Variants in TCF7L1 observed in about 807,000 individuals in gnomAD.
TCF7L1 encodes transcription factor 7 like 1, also known as transcription factor 7-like 1.
Under a neutral mutation model 63.7 loss-of-function variants are expected in TCF7L1, and 18 were observed. That is an observed-to-expected ratio of 0.28 (90% confidence interval 0.20 to 0.42). The LOEUF (loss-of-function observed/expected upper bound fraction) is 0.42, where lower values mean the gene tolerates loss of function less well. TCF7L1 is among the 10% of genes least tolerant of loss of function. The probability of loss-of-function intolerance (pLI) is 1.00; values close to 1 mark genes in which losing one functional copy is unlikely to be tolerated. For missense variants in TCF7L1, 654 were observed against 779.3 expected (o/e 0.84, Z 1.91); for synonymous variants, 355 against 340.9 (o/e 1.04, Z -0.46).
intron 3 of TCF7L1, among the ~76,000 whole-genome samples, chr2:85,194,822 G>A (rs1679117042): frequency 1.3e-5 from 2 of 152,224 alleles, no homozygotes; most frequent in African/African-American, 4.8e-5. Context: ...AGCAGCTGCT[G>A]TGGAGTCTCT....
In TCF7L1 at chr2:85,163,483, G is replaced by A. The variant is rs547596158; in HGVS notation, c.441+29033G>A. Among the ~76,000 whole-genome samples, 25 of 152,216 alleles carry A rather than the reference G, an allele frequency of 1.6e-4. No individual in the cohort carries two copies. The East Asian group carries it at 4.2e-3, about 26-fold the overall frequency. On this transcript the variant is annotated intron_variant, in intron 3 of 11. Transcript: ENST00000282111. The stretch of plus-strand genomic sequence containing the variant: ...TCCTGCCCGACCAGAAGCAGACTCC[G>A]AACAGAATCTAATTTCAGATCGATC...
chr2:85,144,601 C>CA lies in TCF7L1; in HGVS notation c.441+10161dup, dbSNP rs200564088. Among the ~76,000 whole-genome samples the CA allele has an allele frequency of 1.4e-3, 215 of 149,126 alleles. 5 individuals are homozygous for CA. In the East Asian group the frequency reaches 0.035, roughly 24 times the overall value. On this transcript the variant is annotated intron_variant, in intron 3 of 11. Coordinates refer to ENST00000282111, the MANE Select transcript of TCF7L1 (RefSeq NM_031283.3). ...TGGGTGACAGAGTAAGACCCTGTCT[C>CA]AAAAAAAAAATTTTTTTTGAACAAT...
intron 3 of TCF7L1, among the ~76,000 whole-genome samples, chr2:85,261,862 C>G (rs563330217): frequency 6.6e-6 from 1 of 152,292 alleles, no homozygotes; most frequent in African/African-American, 2.4e-5. Context: ...GCCTGGGCAA[C>G]AGAGCAAGAC....
At chr2:85,228,497 A>G (rs1218073305) in intron 3 of TCF7L1, among the ~76,000 whole-genome samples, 1 of 152,210 alleles carries the variant, frequency 6.6e-6, no homozygotes, top group Non-Finnish European at 1.5e-5. Context: ...ATGAATGTCC[A>G]GTCACCAGTG....
Position 85,158,967 on chromosome 2 carries a change from A to G in TCF7L1, c.441+24517A>G, listed in dbSNP as rs190234887. Reference sequence around the variant, plus strand: ...TGTCTTTAAATCTACCTGCATTTCCATGTCTGGTTACAAATTGTCTTAACC... The same window carrying G: ...TGTCTTTAAATCTACCTGCATTTCCGTGTCTGGTTACAAATTGTCTTAACC... On this transcript the variant is annotated intron_variant, in intron 3 of 11. Coordinates refer to ENST00000282111, the MANE Select transcript of TCF7L1 (RefSeq NM_031283.3). Among the ~76,000 whole-genome samples the G allele has an allele frequency of 1.6e-4, 25 of 152,272 alleles. No homozygotes were observed. In the East Asian group the frequency reaches 4.3e-3, roughly 26 times the overall value.
At position 85,134,673 on chromosome 2, in the gene TCF7L1, G is replaced by A. The variant is rs1318027348; in HGVS notation, c.441+223G>A. Among the ~76,000 whole-genome samples, 1 of 152,256 alleles carries A rather than the reference G, an allele frequency of 6.6e-6. No individual in the cohort carries two copies. The highest frequency in any genetic ancestry group is 1.5e-5 in the Non-Finnish European group (1 of 68,046). On this transcript the variant is annotated intron_variant, in intron 3 of 11. Transcript: ENST00000282111. The surrounding 1 kb of genome is among the most constrained non-coding windows in gnomAD (Gnocchi z 5.0). ...AACTTTTCCCCTCTTGCGGGTTGAG[G>A]TTTTGGAGTCCACCTCTGGGATCTT...
chr2:85,232,428 A>G (rs975291994), intron 3 of TCF7L1, among the ~76,000 whole-genome samples: 1 of 152,078 alleles, frequency 6.6e-6, no homozygotes, highest in Non-Finnish European at 1.5e-5. Context: ...CCATGGCCCA[A>G]AGCTGTTCTG....
intron 3 of TCF7L1, among the ~76,000 whole-genome samples, chr2:85,157,834 A>C (rs2104215034): frequency 6.6e-6 from 1 of 152,276 alleles, no homozygotes; most frequent in South Asian, 2.1e-4. Flanking sequence ...AGGGGCCCTG[A>C]CTGGCTCTCC....
chr2:85,233,562 C>T (rs945425563), intron 3 of TCF7L1, among the ~76,000 whole-genome samples: 2 of 152,108 alleles, frequency 1.3e-5, no homozygotes, highest in South Asian at 4.2e-4. Context: ...GATCTGCCCG[C>T]CTCAGCCTCC....
At chr2:85,295,775 C>CTTTTTT (rs56373561) in intron 4 of TCF7L1, among the ~76,000 whole-genome samples, 37 of 100,874 alleles carry the variant, frequency 3.7e-4, no homozygotes, top group South Asian at 7.0e-4. Flanking sequence ...GTAACATTTA[C>CTTTTTT]TTTTTTTTTT....
intron 3 of TCF7L1, among the ~76,000 whole-genome samples, chr2:85,229,887 A>C (rs1206450296): frequency 6.6e-6 from 1 of 152,164 alleles, no homozygotes; most frequent in Non-Finnish European, 1.5e-5. Context: ...ACAGGCCTAG[A>C]GTCCCAGCTA....
At chr2:85,305,181 GAGCCACCGTGTCCTCT>G in intron 7 of TCF7L1, 63 bp from the exon 8 acceptor site, 1 of 1,594,184 alleles carries the variant, frequency 6.3e-7, no homozygotes. Flanking sequence ...TTAAGGCAGA[GAGCCACCGTGTCCTCT>G]GCTGGGTGGC....
At chr2:85,284,999 C>T (rs570502076) in intron 4 of TCF7L1, among the ~76,000 whole-genome samples, 2 of 152,070 alleles carry the variant, frequency 1.3e-5, no homozygotes, top group South Asian at 2.1e-4. Context: ...TTTGGGAGGC[C>T]GAGGTGGGCG....
At position 85,306,691 on chromosome 2, in the gene TCF7L1, C is replaced by T. The variant is rs929533383; in HGVS notation, c.1257+132C>T. 5 of 748,682 alleles carry T rather than the reference C, an allele frequency of 6.7e-6. No homozygotes were observed. The African/African-American group carries it at 7.0e-5, about 11-fold the overall frequency. The allele number at this position is 748,682 out of a possible 1,614,324, so 46.4% of individuals were successfully genotyped here. A position where few individuals can be genotyped will look rare whatever the true frequency, so the allele number is the denominator to read the frequency against. ...TCTTTTATTTTTTGAGACAGAGGCT[C>T]ACCCTGTCACCCAGGCTGGAGTGCA... On this transcript the variant is annotated intron_variant, in intron 10 of 11. Coordinates refer to ENST00000282111, the MANE Select transcript of TCF7L1 (RefSeq NM_031283.3). The surrounding 1 kb of genome is among the most constrained non-coding windows in gnomAD (Gnocchi z 4.3).
chr2:85,227,866 C>G (rs1349741071), intron 3 of TCF7L1, among the ~76,000 whole-genome samples: 1 of 151,802 alleles, frequency 6.6e-6, no homozygotes, highest in Non-Finnish European at 1.5e-5. Context: ...GTGCCGTGCA[C>G]CTGTAGTCCC....
At chr2:85,160,841 A>C (rs1306629899) in intron 3 of TCF7L1, among the ~76,000 whole-genome samples, 1 of 152,040 alleles carries the variant, frequency 6.6e-6, no homozygotes, top group East Asian at 1.9e-4. Context: ...ACAGAGCAGG[A>C]CTCTGTCTCA....
chr2:85,203,043 G>T (rs529239294), intron 3 of TCF7L1, among the ~76,000 whole-genome samples: 3 of 152,222 alleles, frequency 2.0e-5, no homozygotes, highest in Non-Finnish European at 4.4e-5. Flanking sequence ...CACCATGTTA[G>T]CCAGGATGGT....
rs568298118 is a variant in TCF7L1, at chr2:85,238,161, A to G, written c.442-45334A>G. 1.5e-3 allele frequency among the ~76,000 whole-genome samples: 224 copies of G among 152,312 alleles called. 1 individual carries two copies. The highest frequency in any genetic ancestry group is 2.3e-3 in the Admixed American group (35 of 15,282). On this transcript the variant is annotated intron_variant, in intron 3 of 11. Transcript: ENST00000282111. ...AGGTGGAGATTCAGTTGTGTAAGAC[A>G]TAGGCACTATTCACTAACAGTCCAT...
intron 3 of TCF7L1, among the ~76,000 whole-genome samples, chr2:85,162,147 G>A (rs998289009): frequency 1.1e-4 from 16 of 151,958 alleles, no homozygotes; most frequent in African/African-American, 3.6e-4. Flanking sequence ...AGGCAGGAGG[G>A]TTGCTTGAGC....
Sources: gnomAD v4.1 joint callset for allele counts (sites outside exome capture counted in the v4.1 genomes callset) on GRCh38, gnomAD v4.1.1 for gene constraint, Gnocchi (gnomAD v3.1) non-coding constraint, MANE v1.5 for transcripts, NCBI Gene and HGNC (gene_info 2026-07-23, HGNC 2026-07-21) for gene names.